The following GAREM1 variants were observed in gnomAD, a reference collection of about 807,000 sequenced individuals.
GAREM1 encodes the protein GRB2 associated regulator of MAPK1 subtype 1, also known as GRB2-associated and regulator of MAPK protein 1.
GAREM1 carries 26 observed loss-of-function variants against 71.3 expected under a neutral mutation model. The ratio of observed to expected loss-of-function variants is 0.36; its 90% confidence interval spans 0.27 to 0.51. The LOEUF is 0.51. GAREM1 is among the 20% of genes least tolerant of loss of function. The pLI, the probability that GAREM1 is intolerant of heterozygous loss-of-function variation, is 0.95. For synonymous variants in GAREM1, 440 were observed against 433.2 expected, an observed-to-expected ratio of 1.02 and a Z score of -0.20; for missense variants, 1,026 against 1,103.1, an observed-to-expected ratio of 0.93 and a Z score of 0.99.
chr18:32,469,941 A>G (rs981018106), intron 1 of GAREM1, among the ~76,000 whole-genome samples: 2 of 152,138 alleles, frequency 1.3e-5, no homozygotes, highest in African/African-American at 4.8e-5. Flanking sequence ...GAGCACAATG[A>G]TATTCTCAAG....
chr18:32,290,641 T>C (rs1225228819), intron 3 of GAREM1, among the ~76,000 whole-genome samples: 4 of 101,130 alleles, frequency 4.0e-5, no homozygotes, highest in African/African-American at 2.2e-4. Flanking sequence ...ACAGACTGTC[T>C]GAAAAAAAAA....
intron 2 of GAREM1, among the ~76,000 whole-genome samples, chr18:32,374,879 T>C (rs1283333847): frequency 6.6e-6 from 1 of 152,228 alleles, no homozygotes; most frequent in African/African-American, 2.4e-5. Context: ...AGGTATCTTA[T>C]ATACTGAAGT....
intron 1 of GAREM1, among the ~76,000 whole-genome samples, chr18:32,445,334 G>A (rs539571113): frequency 6.6e-6 from 1 of 151,962 alleles, no homozygotes; most frequent in South Asian, 2.1e-4. Context: ...GCAAAAAAAA[G>A]GCTAAAGAGC....
At chr18:32,351,328 T>A (rs2047748230) in intron 2 of GAREM1, among the ~76,000 whole-genome samples, 1 of 152,172 alleles carries the variant, frequency 6.6e-6, no homozygotes, top group Non-Finnish European at 1.5e-5. Flanking sequence ...TATTACTCAT[T>A]AATCTGACTC....
chr18:32,439,044 T>C (rs774199700), intron 1 of GAREM1, among the ~76,000 whole-genome samples: 120 of 152,214 alleles, frequency 7.9e-4, no homozygotes, highest in Non-Finnish European at 1.6e-3. Flanking sequence ...AATCTCACCC[T>C]CACTCCGTTG....
chr18:32,435,760 A>C (rs1310450295), intron 1 of GAREM1, among the ~76,000 whole-genome samples: 2 of 152,196 alleles, frequency 1.3e-5, no homozygotes, highest in African/African-American at 4.8e-5. Context: ...TACTGTGGCT[A>C]ATTTCACACA....
intron 1 of GAREM1, among the ~76,000 whole-genome samples, chr18:32,442,355 T>A (rs1452315876): frequency 6.6e-6 from 1 of 152,054 alleles, no homozygotes; most frequent in Non-Finnish European, 1.5e-5. Flanking sequence ...AGTGCAAAAA[T>A]TCCATTTCAG....
At chr18:32,411,725 A>C (rs2048419331) in intron 1 of GAREM1, among the ~76,000 whole-genome samples, 1 of 152,140 alleles carries the variant, frequency 6.6e-6, no homozygotes, top group Non-Finnish European at 1.5e-5. Context: ...AACTACACCA[A>C]GGTTTCCGAA....
intron 1 of GAREM1, chr18:32,412,436 A>G: frequency 6.3e-7 from 1 of 1,588,338 alleles, no homozygotes; most frequent in Non-Finnish European, 8.5e-7. Context: ...CATCATTACC[A>G]AATCCATTAG....
chr18:32,332,311 G>A lies in GAREM1; in HGVS notation c.263-21988C>T, dbSNP rs560714295. ...AGGTCCTGAATGCTGGTGTTCATTC[G>A]CTCAGTGGATGCGGTGTTTACTGCA... On this transcript the variant is annotated intron_variant, in intron 2 of 5. Coordinates refer to ENST00000269209, the MANE Select transcript of GAREM1 (RefSeq NM_001242409.2). Among the ~76,000 whole-genome samples the A allele has an allele frequency of 5.9e-5, 9 of 151,936 alleles. No homozygotes were observed. In the East Asian group the frequency reaches 7.8e-4, roughly 13 times the overall value.
At position 32,392,942 on chromosome 18, in the gene GAREM1, C is replaced by T; in HGVS notation, c.215G>A (p.Gly72Asp). Residue 72 changes from glycine to aspartate, a missense_variant, in exon 2 of 6, where the codon GGT becomes GAT. Around this residue, in one of 3 missense-constraint regions of GAREM1, gnomAD observed 172 missense variants for 175.2 expected, o/e 0.98. Coordinates refer to ENST00000269209, the MANE Select transcript of GAREM1 (RefSeq NM_001242409.2). ...TTITAHSLEE[G>D]HYVIGPKIEI... Reference sequence around the variant, plus strand: ...TATCTTTGGCCCAATGACATAGTGACCCTCCTCCAAGCTGTGGGCAGTGAT... The same window carrying T: ...TATCTTTGGCCCAATGACATAGTGATCCTCCTCCAAGCTGTGGGCAGTGAT... The T allele has an allele frequency of 6.2e-7, 1 of 1,613,854 alleles. No individual in the cohort carries two copies. The highest frequency in any genetic ancestry group is 8.5e-7 in the Non-Finnish European group (1 of 1,179,880).
chr18:32,446,429 T>C (rs11662168), intron 1 of GAREM1, among the ~76,000 whole-genome samples: 22,334 of 152,104 alleles, frequency 0.15, 2,001 homozygotes, highest in East Asian at 0.4. Context: ...TTCCATACAA[T>C]GTATTGCCCA....
intron 3 of GAREM1, among the ~76,000 whole-genome samples, chr18:32,300,145 G>A (rs117777565): frequency 0.013 from 1,989 of 152,282 alleles, 21 homozygotes; most frequent in South Asian, 0.024. Flanking sequence ...AACATTCACA[G>A]CTACTCCAGA....
chr18:32,440,026 C>T (rs113349330), intron 1 of GAREM1, among the ~76,000 whole-genome samples: 67 of 152,292 alleles, frequency 4.4e-4, no homozygotes, highest in Middle Eastern at 3.4e-3. Context: ...TGCACATCTG[C>T]TCCATTCTTC....
At chr18:32,449,650 G>A (rs1440013945) in intron 1 of GAREM1, among the ~76,000 whole-genome samples, 1 of 152,198 alleles carries the variant, frequency 6.6e-6, no homozygotes, top group Non-Finnish European at 1.5e-5. Flanking sequence ...GGGCAACAGA[G>A]TGAGACTGTC....
intron 2 of GAREM1, among the ~76,000 whole-genome samples, chr18:32,311,654 T>C (rs1389311080): frequency 1.3e-5 from 2 of 152,202 alleles, no homozygotes; most frequent in Non-Finnish European, 2.9e-5. Flanking sequence ...ATTCTAAGAC[T>C]AGGCAACAGT....
intron 4 of GAREM1, among the ~76,000 whole-genome samples, chr18:32,276,955 C>T (rs775648081): frequency 2.0e-5 from 3 of 152,084 alleles, no homozygotes; most frequent in African/African-American, 7.2e-5. Context: ...GCCTGAATGG[C>T]GTCAAGGAAG....
At chr18:32,437,060 A>AGAG (rs1190145981) in intron 1 of GAREM1, among the ~76,000 whole-genome samples, 1 of 152,218 alleles carries the variant, frequency 6.6e-6, no homozygotes, top group African/African-American at 2.4e-5. Flanking sequence ...AATGTTCTTC[A>AGAG]TTTTACACCT....
At chr18:32,392,118 G>T (rs2048206656) in intron 2 of GAREM1, among the ~76,000 whole-genome samples, 6 of 151,862 alleles carry the variant, frequency 4.0e-5, no homozygotes, top group Admixed American at 3.9e-4. Flanking sequence ...AACAGACTTG[G>T]AAAATATTGA....
Sources: allele counts gnomAD v4.1 joint callset (sites outside exome capture counted in the v4.1 genomes callset), GRCh38; gene constraint gnomAD v4.1.1; regional missense constraint gnomAD v4.1.1; transcripts MANE v1.5; gene names NCBI Gene and HGNC (gene_info 2026-07-23, HGNC 2026-07-21).